The following RPSA2 variants were observed in gnomAD, a reference collection of about 807,000 sequenced individuals.
RPSA2 encodes ribosomal protein SA 2, also known as small ribosomal subunit protein uS2B.
At chr19:23,842,178 G>A in the RPSA2 span, among the ~76,000 whole-genome samples, 1 of 152,310 alleles carries the variant, frequency 6.6e-6, no homozygotes, top group South Asian at 2.1e-4. Context: ...ATTGATGTAT[G>A]CATTAAAATT....
the RPSA2 span, among the ~76,000 whole-genome samples, chr19:23,834,454 G>A: frequency 6.6e-6 from 1 of 151,950 alleles, no homozygotes; most frequent in African/African-American, 2.4e-5. Context: ...ACATTAAAAT[G>A]TAAGATGCAT....
At chr19:23,804,313 T>C in the RPSA2 span, among the ~76,000 whole-genome samples, 6 of 6,102 alleles carry the variant, frequency 9.8e-4, no homozygotes, top group Non-Finnish European at 0.1. Context: ...TTTTTTCTTT[T>C]TGGAGACGAG....
At chr19:23,795,956 G>C in the RPSA2 span, among the ~76,000 whole-genome samples, 2 of 152,126 alleles carry the variant, frequency 1.3e-5, no homozygotes. Flanking sequence ...GTAGAGATGG[G>C]ATTTTGCCAT....
chr19:23,819,717 C>T, the RPSA2 span, among the ~76,000 whole-genome samples: 1 of 152,120 alleles, frequency 6.6e-6, no homozygotes, highest in African/African-American at 2.4e-5. Context: ...TAGGTGAATA[C>T]CCAGTTTGTT....
the RPSA2 span, among the ~76,000 whole-genome samples, chr19:23,811,942 G>C: frequency 0.98 from 148,969 of 152,298 alleles, 72,950 homozygotes; most frequent in Middle Eastern, 1. Context: ...AGCATCTCCT[G>C]TTTATGATTG....
the RPSA2 span, among the ~76,000 whole-genome samples, chr19:23,859,041 C>A: frequency 6.6e-6 from 1 of 152,186 alleles, no homozygotes; most frequent in Non-Finnish European, 1.5e-5. Context: ...ACCTCCAATC[C>A]TAAACCAACT....
the RPSA2 span, among the ~76,000 whole-genome samples, chr19:23,847,230 G>A: frequency 1.5e-4 from 22 of 148,522 alleles, no homozygotes; most frequent in Non-Finnish European, 2.8e-4. Flanking sequence ...CTTTAAGGAT[G>A]TCTATCTCCT....
the RPSA2 span, among the ~76,000 whole-genome samples, chr19:23,803,236 G>A: frequency 6.6e-6 from 1 of 151,912 alleles, no homozygotes; most frequent in Non-Finnish European, 1.5e-5. Context: ...CCTTATTTAG[G>A]TGTGGCCATA....
the RPSA2 span, among the ~76,000 whole-genome samples, chr19:23,856,723 C>T: frequency 6.6e-6 from 1 of 152,228 alleles, no homozygotes; most frequent in Admixed American, 6.5e-5. Context: ...AGGAATTTTA[C>T]AGCTGGGCCG....
the RPSA2 span, among the ~76,000 whole-genome samples, chr19:23,787,109 C>T: frequency 6.6e-6 from 1 of 152,122 alleles, no homozygotes; most frequent in Admixed American, 6.6e-5. Context: ...TTGCTACACC[C>T]AGCACCTAGC....
the RPSA2 span, chr19:23,833,171 G>T: frequency 8.4e-7 from 1 of 1,190,774 alleles, no homozygotes; most frequent in South Asian, 1.8e-5. Context: ...GCCTTTTCCT[G>T]GTCCTCAGCC....
chr19:23,789,046 GT>G, the RPSA2 span, among the ~76,000 whole-genome samples: 1 of 75,388 alleles, frequency 1.3e-5, no homozygotes, highest in African/African-American at 4.7e-5. Flanking sequence ...TGACAGCCAG[GT>G]TGGAGTGCAG....
chr19:23,770,771 G>A, the RPSA2 span, among the ~76,000 whole-genome samples: 1 of 152,042 alleles, frequency 6.6e-6, no homozygotes, highest in Non-Finnish European at 1.5e-5. Context: ...CTTTCAGGGG[G>A]AGATTTTAAC....
the RPSA2 span, among the ~76,000 whole-genome samples, chr19:23,760,188 C>T: frequency 3.5e-4 from 54 of 152,250 alleles, no homozygotes; most frequent in African/African-American, 1.2e-3. Flanking sequence ...CCCAGGGTCT[C>T]CCTTGACTCC....
chr19:23,865,471 T>C, the RPSA2 span, among the ~76,000 whole-genome samples: 1 of 152,158 alleles, frequency 6.6e-6, no homozygotes, highest in Non-Finnish European at 1.5e-5. Flanking sequence ...TTTTTTCTGC[T>C]TGGGGTTTGG....
the RPSA2 span, chr19:23,831,952 A>G: frequency 1.4e-5 from 5 of 351,096 alleles, no homozygotes; most frequent in Non-Finnish European, 2.9e-5. Flanking sequence ...AAGCATTTAT[A>G]CTAGAGAGAA....
chr19:23,798,618 A>G, the RPSA2 span, among the ~76,000 whole-genome samples: 11 of 152,198 alleles, frequency 7.2e-5, no homozygotes, highest in South Asian at 2.1e-4. Context: ...AAAAAATCCT[A>G]CATACATTAT....
At chr19:23,866,222 C>A in the RPSA2 span, among the ~76,000 whole-genome samples, 1 of 152,194 alleles carries the variant, frequency 6.6e-6, no homozygotes, top group Non-Finnish European at 1.5e-5. Context: ...ACATGTCACA[C>A]AGGGATCACA....
the RPSA2 span, among the ~76,000 whole-genome samples, chr19:23,867,319 A>G: frequency 7.2e-5 from 11 of 152,218 alleles, no homozygotes; most frequent in Admixed American, 2.0e-4. Context: ...CTTGGTCCGG[A>G]TGGACAATCA....
Sources: allele counts gnomAD v4.1 joint callset (sites outside exome capture counted in the v4.1 genomes callset), GRCh38; gene constraint gnomAD v4.1.1; transcripts MANE v1.5; gene names NCBI Gene and HGNC (gene_info 2026-07-23, HGNC 2026-07-21).